TDRD10: variants seen among roughly 807,000 people sequenced by gnomAD.
TDRD10 encodes the protein tudor domain-containing protein 10.
Under a neutral mutation model 48.0 loss-of-function variants are expected in TDRD10, and 40 were observed. The observed-to-expected ratio is 0.83, with a 90% CI of 0.65 to 1.09. TDRD10 has a LOEUF of 1.09. Among genes scored for constraint, TDRD10 ranks in the 50% least tolerant of loss-of-function variants. TDRD10 has a pLI of 0.00. For missense variants in TDRD10, 378 were observed against 434.7 expected (o/e 0.87, Z 1.16); for synonymous variants, 162 against 170.4 (o/e 0.95, Z 0.38).
intron 4 of TDRD10, 46 bp downstream of exon 4, chr1:154,508,527 A>T (rs763058597): frequency 7.6e-7 from 1 of 1,314,854 alleles, no homozygotes; most frequent in Non-Finnish European, 1.1e-6. Context: ...TGGCCTTCCC[A>T]TATGACTTAG....
At chr1:154,540,446 G>A (rs1049440456) in intron 6 of TDRD10, among the ~76,000 whole-genome samples, 22 of 144,018 alleles carry the variant, frequency 1.5e-4, no homozygotes, top group Non-Finnish European at 2.8e-4. Context: ...TGAGGGAGGC[G>A]GATTGCTTGA....
At position 154,544,083 on chromosome 1, in the gene TDRD10, G is replaced by A. The variant is rs780360116; in HGVS notation, c.624G>A (p.Pro208=). 1.1e-5 allele frequency: 17 copies of A among 1,614,034 alleles called. No individual in the cohort carries two copies. The highest frequency in any genetic ancestry group is 8.0e-5 in the African/African-American group (6 of 74,912). ...LLVTSIVPKT[P]FFWAMHVTEA... ...TGACGAGTATCGTCCCGAAGACCCCGTTTTTCTGGGCTATGCACGTCACTG... is the reference window on the plus strand; with the variant it reads ...TGACGAGTATCGTCCCGAAGACCCCATTTTTCTGGGCTATGCACGTCACTG... The change falls in exon 9 of 13, where the codon CCG becomes CCA. Residue 208 remains proline (P), a synonymous_variant. Transcript: ENST00000368482.
chr1:154,541,513 G>T (rs572478207), intron 6 of TDRD10, among the ~76,000 whole-genome samples: 2 of 152,148 alleles, frequency 1.3e-5, no homozygotes, highest in South Asian at 4.2e-4. Flanking sequence ...AGATACTTGG[G>T]TTTCCCCAGG....
intron 4 of TDRD10, among the ~76,000 whole-genome samples, chr1:154,519,572 G>T (rs1339857621): frequency 2.6e-5 from 4 of 152,204 alleles, no homozygotes; most frequent in African/African-American, 9.6e-5. Context: ...TGACCTGCAA[G>T]AAAGCATTTC....
At chr1:154,547,624 G>A in intron 12 of TDRD10, 54 bp from the exon 13 acceptor site, 2 of 1,614,230 alleles carry the variant, frequency 1.2e-6, no homozygotes, top group Non-Finnish European at 1.7e-6. Flanking sequence ...GGGGTTGGGT[G>A]AACTGGCTCG....
At chr1:154,505,618 G>GA (rs542249594) in intron 1 of TDRD10, among the ~76,000 whole-genome samples, 26 of 151,000 alleles carry the variant, frequency 1.7e-4, no homozygotes, top group South Asian at 4.2e-4. Flanking sequence ...TAAAGTACAG[G>GA]AAAAAAAAAT....
At chr1:154,528,284 C>T (rs772083915) in intron 6 of TDRD10, among the ~76,000 whole-genome samples, 12 of 151,496 alleles carry the variant, frequency 7.9e-5, no homozygotes, top group Non-Finnish European at 1.3e-4. Flanking sequence ...AGTGCAGTGG[C>T]GTGATCTTCA....
At chr1:154,540,960 G>T (rs1695194258) in intron 6 of TDRD10, among the ~76,000 whole-genome samples, 1 of 152,204 alleles carries the variant, frequency 6.6e-6, no homozygotes, top group Non-Finnish European at 1.5e-5. Flanking sequence ...ATTGGATTTG[G>T]CAGTGTGACT....
In TDRD10 at chr1:154,547,999, T is replaced by A; in HGVS notation, c.*289T>A. Reference sequence around the variant, plus strand: ...GGCAGCTGGGATGGTCTTTCTTGTGTCTCTTCTTTGCACCCCAGAGCATGA... The same window carrying A: ...GGCAGCTGGGATGGTCTTTCTTGTGACTCTTCTTTGCACCCCAGAGCATGA... On this transcript the variant is annotated 3_prime_UTR_variant, in exon 13 of 13. Coordinates refer to ENST00000368482, the MANE Select transcript of TDRD10 (RefSeq NM_182499.4). The A allele has an allele frequency of 1.9e-6, 1 of 518,180 alleles. No individual in the cohort carries two copies. Among genetic ancestry groups the A allele is most frequent in the East Asian group, 3.3e-5 (1 of 30,046 alleles). The allele number at this position is 518,180 out of a possible 1,614,324, so 32.1% of individuals were successfully genotyped here. A position where few individuals can be genotyped will look rare whatever the true frequency, so the allele number is the denominator to read the frequency against.
rs1433179923 is a variant in TDRD10, at chr1:154,534,481, G to C, written c.370-7543G>C. 2.6e-5 allele frequency: 4 copies of C among 152,258 alleles called. No homozygotes were observed. In the East Asian group the frequency reaches 7.7e-4, roughly 29 times the overall value. The allele number at this position is 152,258 out of a possible 1,614,324, so 9.4% of individuals were successfully genotyped here. A position where few individuals can be genotyped will look rare whatever the true frequency, so the allele number is the denominator to read the frequency against. On this transcript the variant is annotated intron_variant, in intron 6 of 12. Transcript: ENST00000368482. ...AACACCTGGTGGTTTTCCATAGCCT[G>C]CTCCGATCAAGTCAGCCACCTTTGA...
chr1:154,537,187 C>T (rs1694965930), intron 6 of TDRD10, among the ~76,000 whole-genome samples: 1 of 152,186 alleles, frequency 6.6e-6, no homozygotes, highest in Non-Finnish European at 1.5e-5. Context: ...TTCCATGAGA[C>T]AGCACCCACC....
intron 6 of TDRD10, among the ~76,000 whole-genome samples, chr1:154,524,174 T>C (rs1694193077): frequency 6.6e-6 from 1 of 152,198 alleles, no homozygotes; most frequent in Admixed American, 6.5e-5. Context: ...AATAGTTTTC[T>C]GTTTTTTCCT....
chr1:154,510,079 C>T (rs1050758071), intron 4 of TDRD10, among the ~76,000 whole-genome samples: 2 of 152,048 alleles, frequency 1.3e-5, no homozygotes, highest in Non-Finnish European at 2.9e-5. Flanking sequence ...AAGATTTGAG[C>T]TGTGCTTTAG....
At chr1:154,516,185 G>A (rs568352327) in intron 4 of TDRD10, among the ~76,000 whole-genome samples, 51 of 152,272 alleles carry the variant, frequency 3.3e-4, no homozygotes, top group Non-Finnish European at 6.6e-4. Context: ...ACTTTTTCAA[G>A]GATTTTAGTC....
At chr1:154,524,023 G>C (rs1402781492) in intron 6 of TDRD10, among the ~76,000 whole-genome samples, 1 of 151,404 alleles carries the variant, frequency 6.6e-6, no homozygotes, top group Admixed American at 6.6e-5. Flanking sequence ...CACCTATTTT[G>C]TCTCTTTTTT....
intron 6 of TDRD10, among the ~76,000 whole-genome samples, chr1:154,531,666 A>G (rs1694627417): frequency 6.6e-6 from 1 of 152,204 alleles, no homozygotes; most frequent in African/African-American, 2.4e-5. Context: ...GATTTATTGC[A>G]AAGAGCGAAA....
chr1:154,516,256 T>C (rs1340192302), intron 4 of TDRD10, among the ~76,000 whole-genome samples: 1 of 152,112 alleles, frequency 6.6e-6, no homozygotes, highest in Non-Finnish European at 1.5e-5. Flanking sequence ...CAAGGCGTTA[T>C]GTGTAATAAG....
In TDRD10 at chr1:154,547,798, A is replaced by G; in HGVS notation, c.*88A>G. 6.5e-7 allele frequency: 1 copy of G among 1,533,254 alleles called. No individual in the cohort carries two copies. The highest frequency in any genetic ancestry group is 9.0e-7 in the Non-Finnish European group (1 of 1,111,902). The allele number at this position is 1,533,254 out of a possible 1,614,324, so 95.0% of individuals were successfully genotyped here. A position where few individuals can be genotyped will look rare whatever the true frequency, so the allele number is the denominator to read the frequency against. ...TCTTCTCGTACCCCTTTCACTCTTG[A>G]GGCCTGGGAGGTGAAAAAGGCCAGA... On this transcript the variant is annotated 3_prime_UTR_variant, in exon 13 of 13. Transcript: ENST00000368482.
chr1:154,502,357 G>A lies in TDRD10; in HGVS notation c.-700G>A, dbSNP rs928414630. The A allele has an allele frequency of 2.4e-5, 4 of 164,674 alleles. No homozygotes were observed. The highest frequency in any genetic ancestry group is 2.6e-5 in the Non-Finnish European group (2 of 76,318). 10.2% of individuals were successfully genotyped at this position (164,674 alleles called of 1,614,324 possible). ...CCCTGCGGCCCAGCCCACGCTCCCA[G>A]GGACCAGAGAGGACCGAGCGGAGGC... On this transcript the variant is annotated 5_prime_UTR_variant, in exon 1 of 13. Transcript: ENST00000368482.
Sources: allele counts gnomAD v4.1 joint callset (sites outside exome capture counted in the v4.1 genomes callset), GRCh38; gene constraint gnomAD v4.1.1; transcripts MANE v1.5; gene names NCBI Gene and HGNC (gene_info 2026-07-23, HGNC 2026-07-21).